The following CELF2 variants were observed in gnomAD, a reference collection of about 807,000 sequenced individuals.
The protein encoded by CELF2 is CUG triplet repeat RNA-binding protein 2.
In CELF2, 8 loss-of-function variants were observed where a neutral mutation model predicts 62.6. That is an observed-to-expected ratio of 0.13 (90% CI 0.07 to 0.23). CELF2 has a LOEUF of 0.23. CELF2 is among the 10% of genes least tolerant of loss of function. CELF2 has a pLI of 1.00. For missense variants in CELF2, 333 were observed against 671.0 expected (o/e 0.50, Z 5.56); for synonymous variants, 258 against 250.0 (o/e 1.03, Z -0.30).
At chr10:10,497,196 A>C in the CELF2 span, among the ~76,000 whole-genome samples, 4 of 139,190 alleles carry the variant, frequency 2.9e-5, no homozygotes, top group African/African-American at 1.1e-4. Context: ...CCATCTAAAA[A>C]AAAAAAAAAG....
chr10:10,489,763 C>G, the CELF2 span, among the ~76,000 whole-genome samples: 3 of 150,616 alleles, frequency 2.0e-5, no homozygotes, highest in East Asian at 6.1e-4. Flanking sequence ...TAAAACAAAA[C>G]GTGACGAAAA....
At chr10:10,698,483 T>C in the CELF2 span, among the ~76,000 whole-genome samples, 148 of 152,352 alleles carry the variant, frequency 9.7e-4, no homozygotes, top group African/African-American at 3.2e-3. Context: ...TAACATTCTT[T>C]TCTTTGCTTT....
chr10:10,944,863 A>G (rs1000601223), intron 2 of CELF2, among the ~76,000 whole-genome samples: 7 of 152,156 alleles, frequency 4.6e-5, no homozygotes, highest in African/African-American at 1.2e-4. Context: ...TCAGCCTCCC[A>G]AAGTGCTGGA....
chr10:10,768,325 T>A, the CELF2 span, among the ~76,000 whole-genome samples: 1 of 151,978 alleles, frequency 6.6e-6, no homozygotes, highest in Non-Finnish European at 1.5e-5. Flanking sequence ...AAGCCCTGCA[T>A]GGGATTAGTG....
At chr10:10,747,962 G>C in the CELF2 span, among the ~76,000 whole-genome samples, 10 of 152,240 alleles carry the variant, frequency 6.6e-5, no homozygotes, top group African/African-American at 2.4e-4. Context: ...TTTATTAGAA[G>C]GGCCAAATGC....
rs1032667617 is a variant in CELF2, at chr10:11,039,766, A to G, written c.74+21603A>G. Among the ~76,000 whole-genome samples, 2 of 152,216 alleles carry G rather than the reference A, an allele frequency of 1.3e-5. No individual in the cohort carries two copies. The highest frequency in any genetic ancestry group is 2.9e-5 in the Non-Finnish European group (2 of 68,028). On this transcript the variant is annotated intron_variant, in intron 1 of 12. Coordinates refer to ENST00000633077, the MANE Select transcript of CELF2 (RefSeq NM_001326342.2). This position sits in a 1 kb window ranked among gnomAD's most constrained non-coding sequence, Gnocchi z 4.1. ...GAAAAAAGATAATTATATATCTATT[A>G]CGTCTTACATTTTTGTAAATTCCAT... is the stretch of plus-strand genomic sequence containing the variant.
the CELF2 span, among the ~76,000 whole-genome samples, chr10:10,581,630 G>C: frequency 1.3e-5 from 2 of 152,194 alleles, no homozygotes; most frequent in Non-Finnish European, 2.9e-5. Context: ...AACTAATCCA[G>C]AGACTCATTC....
chr10:10,495,077 C>A, the CELF2 span, among the ~76,000 whole-genome samples: 1 of 151,888 alleles, frequency 6.6e-6, no homozygotes, highest in East Asian at 1.9e-4. Context: ...GAGATCGAGA[C>A]CATCCTGGCT....
At chr10:10,598,809 G>A in the CELF2 span, among the ~76,000 whole-genome samples, 1 of 134,066 alleles carries the variant, frequency 7.5e-6, no homozygotes, top group African/African-American at 2.8e-5. Context: ...AGCCAGGCTG[G>A]AGTGCGGGAT....
intron 1 of CELF2, among the ~76,000 whole-genome samples, chr10:10,893,240 A>T (rs946537721): frequency 6.6e-6 from 1 of 152,200 alleles, no homozygotes; most frequent in Non-Finnish European, 1.5e-5. Context: ...TACTCAGTCA[A>T]GGCCACACAG....
intron 2 of CELF2, among the ~76,000 whole-genome samples, chr10:11,208,789 G>A (rs2061061152): frequency 6.6e-6 from 1 of 152,200 alleles, no homozygotes; most frequent in South Asian, 2.1e-4. Flanking sequence ...TGGGCTTAGG[G>A]GAGGCTGGGA....
intron 3 of CELF2, among the ~76,000 whole-genome samples, chr10:11,233,381 C>T (rs1349651385): frequency 6.6e-6 from 1 of 152,148 alleles, no homozygotes; most frequent in Non-Finnish European, 1.5e-5. Flanking sequence ...CTGACATGCC[C>T]CGAGTTCTGT....
chr10:11,097,053 G>A (rs2050081404), intron 1 of CELF2, among the ~76,000 whole-genome samples: 1 of 152,182 alleles, frequency 6.6e-6, no homozygotes, highest in African/African-American at 2.4e-5. Flanking sequence ...TTCAGAAAAT[G>A]TGGCTGGAGG....
chr10:10,584,981 G>A, the CELF2 span, among the ~76,000 whole-genome samples: 1 of 152,060 alleles, frequency 6.6e-6, no homozygotes, highest in Non-Finnish European at 1.5e-5. Flanking sequence ...ACAGAAGAAA[G>A]GGTGGATCAC....
chr10:10,737,645 T>C, the CELF2 span, among the ~76,000 whole-genome samples: 1 of 152,086 alleles, frequency 6.6e-6, no homozygotes, highest in South Asian at 2.1e-4. Flanking sequence ...TCCCCTTTGC[T>C]CTGAATAAAT....
intron 1 of CELF2, among the ~76,000 whole-genome samples, chr10:11,155,185 C>T (rs1005957964): frequency 6.6e-6 from 1 of 152,134 alleles, no homozygotes. Flanking sequence ...ATATATTTCC[C>T]GGCCTCCTTA....
At chr10:10,636,349 A>G in the CELF2 span, among the ~76,000 whole-genome samples, 1 of 152,184 alleles carries the variant, frequency 6.6e-6, no homozygotes, top group African/African-American at 2.4e-5. Context: ...TATATGACAG[A>G]TATTTATTTA....
At chr10:10,531,939 T>G in the CELF2 span, among the ~76,000 whole-genome samples, 1 of 152,208 alleles carries the variant, frequency 6.6e-6, no homozygotes, top group Admixed American at 6.5e-5. Flanking sequence ...TACAGGTGCA[T>G]TAATGGCTAT....
At chr10:11,221,077 G>C (rs1300639771) in intron 3 of CELF2, among the ~76,000 whole-genome samples, 2 of 152,210 alleles carry the variant, frequency 1.3e-5, no homozygotes, top group African/African-American at 4.8e-5. Context: ...TAGAGCCTTT[G>C]TAGCCTGAAG....
Sources: allele counts gnomAD v4.1 joint callset (sites outside exome capture counted in the v4.1 genomes callset), GRCh38; gene constraint gnomAD v4.1.1; non-coding constraint Gnocchi (gnomAD v3.1); transcripts MANE v1.5; gene names NCBI Gene and HGNC (gene_info 2026-07-23, HGNC 2026-07-21).